Variants in GSE1 observed in about 807,000 individuals in gnomAD.
GSE1 encodes genetic suppressor element 1.
Under a neutral mutation model 112.6 loss-of-function variants are expected in GSE1, and 32 were observed. The observed-to-expected ratio is 0.28, with a 90% CI of 0.21 to 0.38. The LOEUF is 0.38. GSE1 is among the 10% of genes least tolerant of loss of function. The pLI is 1.00. For missense variants in GSE1, 2,348 were observed against 1,699.2 expected (o/e 1.38, Z -6.71); for synonymous variants, 1,115 against 735.6 (o/e 1.52, Z -8.35).
intron 1 of GSE1, among the ~76,000 whole-genome samples, chr16:85,234,731 A>T (rs1287211011): frequency 2.6e-5 from 4 of 152,112 alleles, no homozygotes; most frequent in Non-Finnish European, 4.4e-5. Flanking sequence ...GAGGCTGAGG[A>T]TGCCGGCCCC....
chr16:85,470,008 GC>G (rs1331956283), intron 2 of GSE1, among the ~76,000 whole-genome samples: 1 of 152,194 alleles, frequency 6.6e-6, no homozygotes, highest in Non-Finnish European at 1.5e-5. Context: ...CTCACCCCAG[GC>G]CCTCAGGCAT....
intron 1 of GSE1, among the ~76,000 whole-genome samples, chr16:85,246,139 G>T (rs1457152694): frequency 6.6e-6 from 1 of 151,024 alleles, no homozygotes; most frequent in Non-Finnish European, 1.5e-5. Context: ...TTCCTGGGGA[G>T]TTTGGTGGAC....
At chr16:85,258,829 G>A (rs1353724159) in intron 1 of GSE1, among the ~76,000 whole-genome samples, 7 of 152,156 alleles carry the variant, frequency 4.6e-5, no homozygotes, top group African/African-American at 7.2e-5. Flanking sequence ...TGTGGTCCCC[G>A]TGCCCCAGCC....
chr16:85,416,539 G>T (rs1445494303), intron 2 of GSE1, among the ~76,000 whole-genome samples: 1 of 152,164 alleles, frequency 6.6e-6, no homozygotes, highest in Admixed American at 6.5e-5. Context: ...GTGCCCACTT[G>T]CCCTCTAGGG....
intron 2 of GSE1, among the ~76,000 whole-genome samples, chr16:85,547,949 C>A (rs112292172): frequency 5.5e-5 from 8 of 145,392 alleles, no homozygotes; most frequent in Non-Finnish European, 1.2e-4. Flanking sequence ...TATTTGAGGC[C>A]GGGCGAGGTG....
chr16:85,238,996 C>G (rs771891726), intron 1 of GSE1, among the ~76,000 whole-genome samples: 4 of 152,036 alleles, frequency 2.6e-5, no homozygotes, highest in African/African-American at 9.7e-5. Flanking sequence ...GGTGCGATCT[C>G]GGCTCACTGC....
upstream of GSE1, chr16:85,613,251 G>C (rs867267982): frequency 2.5e-5 from 38 of 1,521,762 alleles, no homozygotes; most frequent in East Asian, 2.1e-4. Context: ...TTTCTTGGCC[G>C]GGGCCCCGGA....
chr16:85,376,839 G>A (rs2047431492), intron 2 of GSE1, among the ~76,000 whole-genome samples: 1 of 152,208 alleles, frequency 6.6e-6, no homozygotes, highest in African/African-American at 2.4e-5. Context: ...AAGGATTGCT[G>A]GGAAAAGAGG....
chr16:85,573,754 C>G (rs1291125361), intron 1 of GSE1, among the ~76,000 whole-genome samples: 1 of 152,188 alleles, frequency 6.6e-6, no homozygotes, highest in Non-Finnish European at 1.5e-5. Flanking sequence ...AGTCTGGGCC[C>G]GGGAAGCATT....
intron 1 of GSE1, among the ~76,000 whole-genome samples, chr16:85,578,905 C>T (rs1306693108): frequency 6.6e-6 from 1 of 151,662 alleles, no homozygotes; most frequent in Admixed American, 6.6e-5. Context: ...ACTGCGTCTC[C>T]TCAACTGGAC....
intron 1 of GSE1, among the ~76,000 whole-genome samples, chr16:85,237,196 G>A (rs186720422): frequency 2.0e-5 from 3 of 152,272 alleles, no homozygotes; most frequent in African/African-American, 4.8e-5. Context: ...GGTGGCGGTC[G>A]CCTGTAATCC....
At chr16:85,315,419 A>C (rs564669194) in intron 1 of GSE1, among the ~76,000 whole-genome samples, 1 of 152,196 alleles carries the variant, frequency 6.6e-6, no homozygotes, top group African/African-American at 2.4e-5. Flanking sequence ...GATCCTGCAG[A>C]GCCCTGGGGG....
In GSE1 at chr16:85,477,961, C is replaced by G. The variant is rs146834247; in HGVS notation, c.2464+120318C>G. On this transcript the variant is annotated intron_variant, in intron 2 of 2. Coordinates refer to the GSE1 transcript ENST00000637419. ...GGCCCATGGTGTTGAGTCATCACGA[C>G]CTCATTTCAGAACGTTCCCGTCACT... 7.7e-3 allele frequency among the ~76,000 whole-genome samples: 1,177 copies of G among 152,222 alleles called. 20 individuals are homozygous for G. Among genetic ancestry groups the G allele is most frequent in the African/African-American group, 0.027 (1,126 of 41,528 alleles).
chr16:85,306,911 G>C (rs2151472766), intron 1 of GSE1, among the ~76,000 whole-genome samples: 1 of 152,348 alleles, frequency 6.6e-6, no homozygotes, highest in South Asian at 2.1e-4. Flanking sequence ...AGGCCTGGGT[G>C]TCCCCTTCCT....
intron 1 of GSE1, among the ~76,000 whole-genome samples, chr16:85,230,268 G>A (rs781587439): frequency 6.6e-6 from 1 of 152,208 alleles, no homozygotes; most frequent in African/African-American, 2.4e-5. Context: ...TAGAACTGCT[G>A]CTCCAACCGG....
At chr16:85,296,270 C>T (rs955750626) in intron 1 of GSE1, among the ~76,000 whole-genome samples, 4 of 152,084 alleles carry the variant, frequency 2.6e-5, no homozygotes, top group Admixed American at 2.0e-4. Flanking sequence ...TGTGTGAGCA[C>T]GGACACCCAG....
intron 1 of GSE1, among the ~76,000 whole-genome samples, chr16:85,570,275 A>G (rs1478716072): frequency 6.6e-6 from 1 of 152,068 alleles, no homozygotes; most frequent in East Asian, 1.9e-4. Flanking sequence ...GCCTCCCAGC[A>G]TGTGAGAGGC....
intron 1 of GSE1, among the ~76,000 whole-genome samples, chr16:85,235,438 G>C (rs975286616): frequency 9.5e-5 from 14 of 147,742 alleles, no homozygotes; most frequent in East Asian, 4.0e-4. Context: ...CTGTGTGTGT[G>C]TGTGTGTGTG....
At chr16:85,653,848 C>T (rs1380350815) in intron 3 of GSE1, among the ~76,000 whole-genome samples, 3 of 152,194 alleles carry the variant, frequency 2.0e-5, no homozygotes, top group East Asian at 3.8e-4. Context: ...TTGGCTACAT[C>T]GTGGCACTCG....
Sources: allele counts gnomAD v4.1 joint callset (sites outside exome capture counted in the v4.1 genomes callset), GRCh38; gene constraint gnomAD v4.1.1; transcripts MANE v1.5; gene names NCBI Gene and HGNC (gene_info 2026-07-23, HGNC 2026-07-21).